The following OSBPL10 variants were observed in gnomAD, a reference collection of about 807,000 sequenced individuals.
OSBPL10 encodes oxysterol binding protein like 10.
Under a neutral mutation model 81.7 loss-of-function variants are expected in OSBPL10, and 49 were observed. The ratio of observed to expected loss-of-function variants is 0.60; its 90% CI spans 0.48 to 0.76. The LOEUF (loss-of-function observed/expected upper bound fraction) is 0.76. Among genes scored for constraint, OSBPL10 ranks in the 30% least tolerant of loss-of-function variants. The pLI is 0.00. For synonymous variants in OSBPL10, 419 were observed against 383.6 expected (o/e 1.09, Z -1.08); for missense variants, 923 against 987.8 (o/e 0.93, Z 0.88).
At chr3:31,691,729 AAAAG>A (rs1366518091) in intron 7 of OSBPL10, among the ~76,000 whole-genome samples, 2 of 152,004 alleles carry the variant, frequency 1.3e-5, no homozygotes, top group Non-Finnish European at 2.9e-5. Flanking sequence ...AAAGAAAGAG[AAAAG>A]AAAGAAAAAA....
At chr3:31,788,453 T>C (rs1157205145) in intron 4 of OSBPL10, among the ~76,000 whole-genome samples, 1 of 152,230 alleles carries the variant, frequency 6.6e-6, no homozygotes, top group Non-Finnish European at 1.5e-5. Flanking sequence ...ATATAATTCT[T>C]GATCTTGTTT....
chr3:32,020,090 G>C (rs1198119518), intron 2 of OSBPL10, among the ~76,000 whole-genome samples: 1 of 152,128 alleles, frequency 6.6e-6, no homozygotes, highest in Non-Finnish European at 1.5e-5. Flanking sequence ...GGTACAATTT[G>C]TTCTGATAGT....
chr3:31,735,789 C>T (rs1305857297), intron 5 of OSBPL10, among the ~76,000 whole-genome samples: 1 of 152,104 alleles, frequency 6.6e-6, no homozygotes, highest in African/African-American at 2.4e-5. Context: ...CCCAAAGGCA[C>T]TCTCTGTCAT....
At chr3:31,883,899 C>T (rs1396303692) in intron 1 of OSBPL10, among the ~76,000 whole-genome samples, 1 of 152,186 alleles carries the variant, frequency 6.6e-6, no homozygotes, top group Non-Finnish European at 1.5e-5. Flanking sequence ...GTAACATGTC[C>T]TCAGTTTCCC....
chr3:32,058,650 T>G (rs1230280534), intron 1 of OSBPL10, among the ~76,000 whole-genome samples: 2 of 152,042 alleles, frequency 1.3e-5, no homozygotes, highest in Non-Finnish European at 2.9e-5. Context: ...ATGTTTTAAA[T>G]GATGCATGCT....
intron 2 of OSBPL10, among the ~76,000 whole-genome samples, chr3:32,039,000 G>C (rs556125235): frequency 6.6e-4 from 101 of 152,066 alleles, no homozygotes; most frequent in East Asian, 3.3e-3. Context: ...ACAATAAAAG[G>C]AATAATAAAA....
At chr3:31,684,245 T>A in intron 7 of OSBPL10, 131 bp from the exon 8 acceptor site, 1 of 1,232,456 alleles carries the variant, frequency 8.1e-7, no homozygotes, top group Non-Finnish European at 1.1e-6. Flanking sequence ...CTGTTTTGAC[T>A]TGTGCACACA....
At position 31,981,063 on chromosome 3, in the gene OSBPL10, C is replaced by G. The variant is rs572773997; in HGVS notation, c.117G>C (p.Gly39=). The G allele has an allele frequency of 6.7e-7, 1 of 1,491,070 alleles. No homozygotes were observed. Among genetic ancestry groups the G allele is most frequent in the East Asian group, 2.9e-5 (1 of 34,336 alleles). 92.4% of individuals were successfully genotyped at this position (1,491,070 alleles called of 1,614,324 possible). A position where few individuals can be genotyped will look rare whatever the true frequency, so the allele number is the denominator to read the frequency against. The change falls in exon 1 of 12, where the codon GGG becomes GGC. Residue 39 remains glycine, a synonymous_variant. Transcript: ENST00000396556. This position sits in a 1 kb window ranked among gnomAD's most constrained non-coding sequence, Gnocchi z 4.5. ...SSPSCSLAGR[G]VSSRSAAAGL... is the part of the protein sequence containing the mutation. Reference sequence around the variant, plus strand: ...CGGCCGCCGCCGACCGGCTGGAGACCCCCCGGCCCGCCAGAGAGCAGGAGG... The same window carrying G: ...CGGCCGCCGCCGACCGGCTGGAGACGCCCCGGCCCGCCAGAGAGCAGGAGG...
At position 32,062,259 on chromosome 3, in the gene OSBPL10, T is replaced by C. The variant is rs1189129333; in HGVS notation, n.185+15137A>G. On this transcript the variant is annotated intron_variant and non_coding_transcript_variant, in intron 1 of 3. Coordinates refer to the OSBPL10 transcript ENST00000479173. ...AGCTGGGAATACAGGCATGCACCAT[T>C]ACACCCAGCTAATTTTTGTATTTTT... Among the ~76,000 whole-genome samples the C allele has an allele frequency of 2.2e-5, 2 of 92,888 alleles. 1 individual carries two copies. The highest frequency in any genetic ancestry group is 2.6e-4 in the Admixed American group (2 of 7,742). The allele number at this position is 92,888 out of a possible 152,430, so 60.9% of individuals were successfully genotyped here.
intron 1 of OSBPL10, among the ~76,000 whole-genome samples, chr3:31,968,973 C>CT (rs1189948349): frequency 6.6e-6 from 1 of 152,168 alleles, no homozygotes; most frequent in Non-Finnish European, 1.5e-5. Flanking sequence ...CACGTACTAG[C>CT]ACAAATGGGT....
intron 2 of OSBPL10, among the ~76,000 whole-genome samples, chr3:31,877,251 T>C (rs974996757): frequency 3.9e-5 from 6 of 152,182 alleles, no homozygotes; most frequent in Non-Finnish European, 5.9e-5. Context: ...AGGGCTGTAT[T>C]GTGGTGTTAT....
rs72857934 is a variant in OSBPL10 at position 31,669,159 on chromosome 3, T to A, written c.1914-335A>T. On this transcript the variant is annotated intron_variant, in intron 9 of 11. Coordinates refer to ENST00000396556, the MANE Select transcript of OSBPL10 (RefSeq NM_017784.5). ...AAAATAAGTGGGAAGGGGACGAGAA[T>A]TAAAACACTACAAATATGGGGCAGT... Among the ~76,000 whole-genome samples the A allele has an allele frequency of 2.6e-3, 391 of 152,114 alleles. 2 individuals carry two copies. The highest frequency in any genetic ancestry group is 9.3e-3 in the African/African-American group (384 of 41,490).
chr3:32,059,021 G>A (rs771694525), intron 1 of OSBPL10, among the ~76,000 whole-genome samples: 12 of 152,164 alleles, frequency 7.9e-5, no homozygotes, highest in African/African-American at 1.7e-4. Flanking sequence ...TAGGCTGGCC[G>A]GGTGTGGTGG....
At chr3:31,998,047 C>T (rs1449322505) in intron 2 of OSBPL10, among the ~76,000 whole-genome samples, 1 of 152,120 alleles carries the variant, frequency 6.6e-6, no homozygotes, top group Non-Finnish European at 1.5e-5. Flanking sequence ...CCCGCCTCGG[C>T]CTCCTGAAGT....
chr3:32,003,569 A>G (rs1041486688), intron 2 of OSBPL10, among the ~76,000 whole-genome samples: 7 of 152,230 alleles, frequency 4.6e-5, no homozygotes, highest in African/African-American at 1.7e-4. Context: ...TGTTTCTGAG[A>G]ACTGAATATA....
At chr3:31,995,290 C>G (rs1699079389) in intron 2 of OSBPL10, among the ~76,000 whole-genome samples, 1 of 152,164 alleles carries the variant, frequency 6.6e-6, no homozygotes, top group African/African-American at 2.4e-5. Flanking sequence ...GTCCTTATCT[C>G]AACCACATAG....
chr3:31,843,022 A>G (rs888295238), intron 3 of OSBPL10, among the ~76,000 whole-genome samples: 1 of 152,242 alleles, frequency 6.6e-6, no homozygotes, highest in African/African-American at 2.4e-5. Context: ...TGCTGGACAC[A>G]TTGTGTGTCC....
chr3:31,674,487 G>A (rs1700404627), intron 8 of OSBPL10, among the ~76,000 whole-genome samples: 1 of 152,244 alleles, frequency 6.6e-6, no homozygotes, highest in Middle Eastern at 3.4e-3. Context: ...TTGAGCCCGG[G>A]AGGTCGAGGC....
At chr3:31,816,589 C>T (rs1416817583) in intron 4 of OSBPL10, among the ~76,000 whole-genome samples, 3 of 152,204 alleles carry the variant, frequency 2.0e-5, no homozygotes, top group Non-Finnish European at 4.4e-5. Flanking sequence ...CTGGGCCAGG[C>T]ACAGTAGCTC....
Sources: gnomAD v4.1 joint callset for allele counts (sites outside exome capture counted in the v4.1 genomes callset) on GRCh38, gnomAD v4.1.1 for gene constraint, Gnocchi (gnomAD v3.1) non-coding constraint, MANE v1.5 for transcripts, NCBI Gene and HGNC (gene_info 2026-07-23, HGNC 2026-07-21) for gene names.